The following ZFYVE16 variants were observed in gnomAD, a reference collection of about 807,000 sequenced individuals.
The protein encoded by ZFYVE16 is zinc finger FYVE domain-containing protein 16.
Under a neutral mutation model 138.1 loss-of-function variants are expected in ZFYVE16, and 89 were observed. The ratio of observed to expected loss-of-function variants is 0.64; its 90% CI spans 0.54 to 0.77. ZFYVE16 has a LOEUF of 0.77. Ranked by LOEUF, ZFYVE16 falls within the 30% of genes least tolerant of loss-of-function variation. ZFYVE16 has a pLI of 0.00. For missense variants in ZFYVE16, 1,793 were observed against 1,786.7 expected (o/e 1.00, Z -0.06); for synonymous variants, 596 against 618.3 (o/e 0.96, Z 0.53).
At position 80,430,981 on chromosome 5, in the gene ZFYVE16, G is replaced by T. The variant is rs547023775; in HGVS notation, c.-39-3128G>T. 2.0e-5 allele frequency among the ~76,000 whole-genome samples: 3 copies of T among 152,244 alleles called. No homozygotes were observed. In the South Asian group the frequency reaches 6.2e-4, roughly 32 times the overall value. ...CAATCAAAAAAGTCCAGGACAGGAC[G>T]GATTCACAGCCGAATTCTACCAGAG... On this transcript the variant is annotated intron_variant, in intron 2 of 18. Coordinates refer to ENST00000505560, the MANE Select transcript of ZFYVE16 (RefSeq NM_001284236.3).
intron 1 of ZFYVE16, among the ~76,000 whole-genome samples, chr5:80,424,799 T>C (rs1747754297): frequency 6.6e-6 from 1 of 152,208 alleles, no homozygotes; most frequent in Non-Finnish European, 1.5e-5. Flanking sequence ...CTGTTTATTT[T>C]GTGCACTCTT....
At chr5:80,462,630 A>G (rs1753249692) in intron 15 of ZFYVE16, among the ~76,000 whole-genome samples, 1 of 152,174 alleles carries the variant, frequency 6.6e-6, no homozygotes, top group Non-Finnish European at 1.5e-5. Context: ...ATTTCAAGAC[A>G]CAAACATGCC....
upstream of ZFYVE16, among the ~76,000 whole-genome samples, chr5:80,407,731 GA>G (rs1345110392): frequency 6.6e-6 from 1 of 152,246 alleles, no homozygotes. Context: ...TGGAGCCGGG[GA>G]AGCTGCCTCT....
intron 16 of ZFYVE16, 40 bp downstream of exon 16, chr5:80,472,963 G>A (rs1754534583): frequency 6.7e-7 from 1 of 1,502,048 alleles, no homozygotes; most frequent in African/African-American, 1.4e-5. Flanking sequence ...TGATTTGAAG[G>A]AAAGTGCAGG....
At chr5:80,420,262 A>C (rs1746929345) in intron 1 of ZFYVE16, among the ~76,000 whole-genome samples, 1 of 151,838 alleles carries the variant, frequency 6.6e-6, no homozygotes, top group Non-Finnish European at 1.5e-5. Flanking sequence ...GTGTACCACC[A>C]CGCCCAGCTA....
intron 4 of ZFYVE16, 135 bp downstream of exon 4, chr5:80,439,142 C>T: frequency 1.1e-6 from 1 of 947,042 alleles, no homozygotes; most frequent in Non-Finnish European, 1.5e-6. Flanking sequence ...ATCTACCAGT[C>T]AGGGAAATAT....
intron 11 of ZFYVE16, chr5:80,454,518 T>A (rs1752308669): frequency 6.6e-6 from 1 of 152,250 alleles, no homozygotes; most frequent in African/African-American, 2.4e-5. Context: ...CCTTTTTTTT[T>A]TTTTTTGAGA....
intron 18 of ZFYVE16, among the ~76,000 whole-genome samples, chr5:80,476,039 G>C (rs1754875881): frequency 6.6e-6 from 1 of 152,134 alleles, no homozygotes; most frequent in Non-Finnish European, 1.5e-5. Flanking sequence ...TGCCCCCTGG[G>C]TTCAAGCAAT....
intron 12 of ZFYVE16, 26 bp from the exon 13 acceptor site, chr5:80,456,435 T>G (rs1453366507): frequency 2.6e-6 from 4 of 1,528,436 alleles, no homozygotes; most frequent in East Asian, 2.3e-5. Flanking sequence ...GTTAGTAGTT[T>G]ATGGTAATGC....
chr5:80,448,531 T>C, intron 8 of ZFYVE16, 127 bp downstream of exon 8: 1 of 899,052 alleles, frequency 1.1e-6, no homozygotes, highest in Non-Finnish European at 1.5e-6. Context: ...TGGTAACTTT[T>C]GTTTACAGAA....
At chr5:80,430,045 A>G (rs996789748) in intron 2 of ZFYVE16, among the ~76,000 whole-genome samples, 2 of 152,218 alleles carry the variant, frequency 1.3e-5, no homozygotes, top group African/African-American at 2.4e-5. Flanking sequence ...CAGAAAGTTA[A>G]CAAGGATATC....
In ZFYVE16 at chr5:80,443,164, C is replaced by T; in HGVS notation, c.2461C>T (p.Leu821Phe). 6.3e-7 allele frequency: 1 copy of T among 1,598,544 alleles called. No individual in the cohort carries two copies. Among genetic ancestry groups the T allele is most frequent in the South Asian group, 1.1e-5 (1 of 87,444 alleles). Residue 821 changes from leucine to phenylalanine, a missense_variant, in exon 6 of 19, where the codon CTT becomes TTT. Around this residue, in one of 2 missense-constraint regions of ZFYVE16, gnomAD observed 1,295 missense variants for 1,204.3 expected, o/e 1.08. Coordinates refer to ENST00000505560, the MANE Select transcript of ZFYVE16 (RefSeq NM_001284236.3). ...GATGATGAGTCCAACTGGTTCTAATCTTAAGTCTAATCATTCTGATGAATG... is the reference window on the plus strand; with the variant it reads ...GATGATGAGTCCAACTGGTTCTAATTTTAAGTCTAATCATTCTGATGAATG... Reference protein sequence around the residue: ...ERMMSPTGSNLKSNHSDECTT... With the variant: ...ERMMSPTGSNFKSNHSDECTT...
chr5:80,454,405 T>C (rs1752293537), intron 11 of ZFYVE16: 1 of 152,218 alleles, frequency 6.6e-6, no homozygotes, highest in South Asian at 2.1e-4. Context: ...TCCTTTTTGG[T>C]GTCCAGAATT....
intron 3 of ZFYVE16, among the ~76,000 whole-genome samples, chr5:80,435,268 T>C (rs1466536703): frequency 6.6e-6 from 1 of 151,870 alleles, no homozygotes; most frequent in Non-Finnish European, 1.5e-5. Flanking sequence ...CTCCTGGCCT[T>C]GTGATCCACC....
chr5:80,474,529 A>G (rs1240901075), intron 17 of ZFYVE16, 134 bp from the exon 18 acceptor site: 1 of 889,400 alleles, frequency 1.1e-6, no homozygotes, highest in Non-Finnish European at 1.7e-6. Flanking sequence ...AGATCAAGCT[A>G]TCGATACAGA....
At position 80,448,201 on chromosome 5, in the gene ZFYVE16, T is replaced by C; in HGVS notation, c.2900T>C (p.Leu967Pro). Residue 967 changes from leucine to proline, a missense_variant, in exon 8 of 19, where the codon CTA (leucine) becomes CCA (proline). Around this residue, in one of 2 missense-constraint regions of ZFYVE16, gnomAD observed 1,295 missense variants for 1,204.3 expected, o/e 1.08. Transcript: ENST00000505560. ...EGLPTSGSFTLDDDVFAETEE... is the reference protein window; with the variant it reads ...EGLPTSGSFTPDDDVFAETEE... ...TTACCTACTTCTGGTTCATTTACAC[T>C]AGATGATGATGTTTTTGCAGAAACT... is the stretch of plus-strand genomic sequence containing the variant. 1.2e-6 allele frequency: 2 copies of C among 1,613,930 alleles called. No homozygotes were observed. The highest frequency in any genetic ancestry group is 1.7e-6 in the Non-Finnish European group (2 of 1,179,914).
chr5:80,410,171 G>A (rs1745210404), intron 1 of ZFYVE16: 1 of 152,140 alleles, frequency 6.6e-6, no homozygotes, highest in Non-Finnish European at 1.5e-5. Flanking sequence ...TACATTTTAA[G>A]AGAGCTTTAA....
At chr5:80,450,368 T>G in intron 9 of ZFYVE16, 63 bp from the exon 10 acceptor site, 1 of 1,503,622 alleles carries the variant, frequency 6.7e-7, no homozygotes, top group Non-Finnish European at 9.1e-7. Flanking sequence ...GCAAAAACAA[T>G]TGTTCTTAGT....
rs370915553 is a variant in ZFYVE16 at position 80,437,323 on chromosome 5, C to A, written c.638C>A (p.Thr213Lys). The change falls in exon 4 of 19, where the codon ACA becomes AAA. Residue 213 changes from threonine to lysine, a missense_variant. Around this residue, in one of 2 missense-constraint regions of ZFYVE16, gnomAD observed 1,295 missense variants for 1,204.3 expected, o/e 1.08. Coordinates refer to ENST00000505560, the MANE Select transcript of ZFYVE16 (RefSeq NM_001284236.3). Reference sequence around the variant, plus strand: ...AAAGAATTGGGTATAAAAGTAGATACAACACTTTCAGATTCCTATAATTAC... The same window carrying A: ...AAAGAATTGGGTATAAAAGTAGATAAAACACTTTCAGATTCCTATAATTAC... Reference protein sequence around the residue: ...GIKELGIKVDTTLSDSYNYSG... With the variant: ...GIKELGIKVDKTLSDSYNYSG... 1.6e-5 allele frequency: 26 copies of A among 1,602,464 alleles called. No individual in the cohort carries two copies. The highest frequency in any genetic ancestry group is 2.1e-5 in the Non-Finnish European group (25 of 1,175,464).
Sources: gnomAD v4.1 joint callset for allele counts (sites outside exome capture counted in the v4.1 genomes callset) on GRCh38, gnomAD v4.1.1 for gene constraint, gnomAD v4.1.1 regional missense constraint, MANE v1.5 for transcripts, NCBI Gene and HGNC (gene_info 2026-07-23, HGNC 2026-07-21) for gene names.